Variants in MYOCD observed in about 807,000 individuals in gnomAD.
MYOCD encodes the protein myocardin.
A neutral mutation model predicts 96.1 loss-of-function variants in MYOCD; 32 were observed. The ratio of observed to expected loss-of-function variants is 0.33; its 90% confidence interval spans 0.25 to 0.45. MYOCD has a LOEUF of 0.45. Ranked by LOEUF, MYOCD falls within the 20% of genes least tolerant of loss-of-function variation. The pLI is 1.00. For synonymous variants in MYOCD, 469 were observed against 469.0 expected (o/e 1.00, Z 0.00); for missense variants, 1,133 against 1,200.6 (o/e 0.94, Z 0.83).
chr17:12,735,564 T>C (rs1365027284), intron 5 of MYOCD, among the ~76,000 whole-genome samples: 2 of 152,204 alleles, frequency 1.3e-5, no homozygotes, highest in Non-Finnish European at 2.9e-5. Flanking sequence ...ATTTATGGCT[T>C]TTGTAAACAG....
At chr17:12,710,707 C>A (rs76159933) in intron 2 of MYOCD, among the ~76,000 whole-genome samples, 3,793 of 152,222 alleles carry the variant, frequency 0.025, 77 homozygotes, top group Middle Eastern at 0.054. Flanking sequence ...CCCACAGCAC[C>A]CTACCACACA....
intron 9 of MYOCD, among the ~76,000 whole-genome samples, chr17:12,749,950 C>T (rs1042450217): frequency 2.0e-5 from 3 of 151,920 alleles, no homozygotes; most frequent in African/African-American, 4.8e-5. Flanking sequence ...TCCGGGTTCA[C>T]GCCTTTCTCC....
At chr17:12,737,106 T>C (rs982511353) in intron 6 of MYOCD, among the ~76,000 whole-genome samples, 1 of 151,910 alleles carries the variant, frequency 6.6e-6, no homozygotes, top group African/African-American at 2.4e-5. Context: ...AATACAAAAA[T>C]TAGCCGGGCA....
intron 6 of MYOCD, among the ~76,000 whole-genome samples, chr17:12,737,582 A>T (rs2032384151): frequency 6.6e-6 from 1 of 152,162 alleles, no homozygotes; most frequent in Non-Finnish European, 1.5e-5. Context: ...TGTGAAAGCC[A>T]GATGTGAGCT....
chr17:12,754,559 C>G (rs2032960372), intron 10 of MYOCD, among the ~76,000 whole-genome samples: 1 of 152,122 alleles, frequency 6.6e-6, no homozygotes, highest in Non-Finnish European at 1.5e-5. Context: ...AGGGACTGTT[C>G]AAGGATCAGA....
intron 1 of MYOCD, among the ~76,000 whole-genome samples, chr17:12,700,906 G>A (rs1303268186): frequency 6.6e-6 from 1 of 152,082 alleles, no homozygotes; most frequent in Non-Finnish European, 1.5e-5. Context: ...TTGTATGTGT[G>A]TGTATGTGTG....
At position 12,745,967 on chromosome 17, in the gene MYOCD, A is replaced by C. The variant is rs1174568940; in HGVS notation, c.1020A>C (p.Pro340=). 2.5e-6 allele frequency: 4 copies of C among 1,614,078 alleles called. No homozygotes were observed. The African/African-American group carries it at 5.3e-5, about 22-fold the overall frequency. ...GAAATCCAAACTCTTCTTCAACGCC[A>C]CTGAGCAATACCCCCTTGTCTCCTG... is the stretch of plus-strand genomic sequence containing the variant. The part of the protein sequence containing the change: ...MVRNPNSSST[P]LSNTPLSPVK... The change falls in exon 9 of 14, where the codon CCA becomes CCC. Residue 340 remains proline, a synonymous_variant. Transcript: ENST00000425538.
At chr17:12,705,329 A>C in intron 2 of MYOCD, 136 bp downstream of exon 2, 1 of 604,650 alleles carries the variant, frequency 1.7e-6, no homozygotes. Flanking sequence ...TATCAGCAGA[A>C]ATCCCAGACC....
At position 12,715,584 on chromosome 17, in the gene MYOCD, G is replaced by A. The variant is rs764032667; in HGVS notation, c.177+10G>A. ...TTTGGATAGTGACAAGGTAATTTTT[G>A]CAAATTTCTTGACCCAAGCTTAGAC... is the stretch of plus-strand genomic sequence containing the variant. On this transcript the variant is annotated intron_variant, in intron 3 of 13. Transcript: ENST00000425538. 3 of 1,611,824 alleles carry A rather than the reference G, an allele frequency of 1.9e-6. No individual in the cohort carries two copies. The highest frequency in any genetic ancestry group is 1.3e-5 in the African/African-American group (1 of 74,858).
intron 5 of MYOCD, among the ~76,000 whole-genome samples, chr17:12,732,695 A>C (rs1220174607): frequency 6.6e-6 from 1 of 152,172 alleles, no homozygotes; most frequent in East Asian, 1.9e-4. Context: ...CCCTGGGGAA[A>C]GGGGGATTGA....
At chr17:12,743,282 A>G (rs2032564884) in intron 7 of MYOCD, among the ~76,000 whole-genome samples, 3 of 152,006 alleles carry the variant, frequency 2.0e-5, no homozygotes, top group Admixed American at 2.0e-4. Flanking sequence ...TTACTTCCTG[A>G]TCTTTCATCG....
At chr17:12,756,075 G>A (rs1024261408) in intron 10 of MYOCD, among the ~76,000 whole-genome samples, 5 of 152,118 alleles carry the variant, frequency 3.3e-5, no homozygotes, top group African/African-American at 1.2e-4. Flanking sequence ...GACAAGGTAG[G>A]GGGATGGAAT....
At chr17:12,695,289 G>A (rs2030693038) in intron 1 of MYOCD, among the ~76,000 whole-genome samples, 1 of 152,140 alleles carries the variant, frequency 6.6e-6, no homozygotes, top group Admixed American at 6.5e-5. Context: ...CTCCTCCCGT[G>A]GTGGAAGGGG....
At chr17:12,732,749 G>A (rs1433677671) in intron 5 of MYOCD, among the ~76,000 whole-genome samples, 2 of 152,110 alleles carry the variant, frequency 1.3e-5, no homozygotes, top group African/African-American at 2.4e-5. Context: ...TAGACTTTTC[G>A]ACATCATTCT....
chr17:12,740,177 C>T (rs943233813), intron 7 of MYOCD, among the ~76,000 whole-genome samples: 5 of 152,194 alleles, frequency 3.3e-5, no homozygotes, highest in African/African-American at 1.2e-4. Context: ...CCTCATGATC[C>T]ACCTGCCTTG....
At chr17:12,731,732 G>A (rs4792274) in intron 5 of MYOCD, among the ~76,000 whole-genome samples, 6,294 of 152,224 alleles carry the variant, frequency 0.041, 241 homozygotes, top group African/African-American at 0.11. Flanking sequence ...GAACCAAAAA[G>A]CAAACTCAAA....
chr17:12,675,389 C>G (rs147586465), intron 1 of MYOCD, among the ~76,000 whole-genome samples: 1 of 151,902 alleles, frequency 6.6e-6, no homozygotes, highest in Non-Finnish European at 1.5e-5. Context: ...TGTAAGGGAA[C>G]GATTCATTAA....
chr17:12,690,496 G>A (rs1020309437), intron 1 of MYOCD, among the ~76,000 whole-genome samples: 5 of 152,120 alleles, frequency 3.3e-5, no homozygotes, highest in African/African-American at 1.2e-4. Context: ...GAAATATTAT[G>A]TGGCCATAGA....
rs1390833796 is a variant in MYOCD, at chr17:12,736,317, G to C, written c.572G>C (p.Gly191Ala). 3 of 1,613,744 alleles carry C rather than the reference G, an allele frequency of 1.9e-6. No homozygotes were observed. The Admixed American group carries it at 5.0e-5, about 27-fold the overall frequency. Reference protein sequence around the residue: ...DAKASDTPSTGSLGTNQDLAS... With the variant: ...DAKASDTPSTASLGTNQDLAS... ...AAAGCCTCAGATACCCCTTCGACAG[G>C]TTCTCTGGGGACAAACCAGGTAAAA... Residue 191 changes from glycine (G) to alanine (A), a missense_variant, in exon 6 of 14, where the codon GGT (glycine) becomes GCT (alanine). Transcript: ENST00000425538.
Sources: allele counts gnomAD v4.1 joint callset (sites outside exome capture counted in the v4.1 genomes callset), GRCh38; gene constraint gnomAD v4.1.1; transcripts MANE v1.5; gene names NCBI Gene and HGNC (gene_info 2026-07-23, HGNC 2026-07-21).